TAS2R1: variants seen among roughly 807,000 people sequenced by gnomAD.
TAS2R1 encodes taste receptor type 2 member 1.
For missense variants in TAS2R1, 370 were observed against 353.4 expected, an observed-to-expected ratio of 1.05 and a Z score of -0.38; for synonymous variants, 141 against 134.2, an observed-to-expected ratio of 1.05 and a Z score of -0.35.
At chr5:9,808,570 C>T in the TAS2R1 span, among the ~76,000 whole-genome samples, 1 of 152,164 alleles carries the variant, frequency 6.6e-6, no homozygotes, top group Non-Finnish European at 1.5e-5. Context: ...GAGGAGACTA[C>T]TGTGAGTGTC....
At chr5:9,849,375 T>C in the TAS2R1 span, among the ~76,000 whole-genome samples, 7 of 152,236 alleles carry the variant, frequency 4.6e-5, no homozygotes, top group East Asian at 1.9e-4. Context: ...CATGTTTCCA[T>C]GCATTGGAAA....
chr5:9,801,857 C>T, the TAS2R1 span, among the ~76,000 whole-genome samples: 2 of 152,152 alleles, frequency 1.3e-5, no homozygotes, highest in Non-Finnish European at 2.9e-5. Context: ...CTCCCCCATC[C>T]CCCACAGCAG....
chr5:9,708,071 G>A (rs1579794412), intron 1 of TAS2R1, among the ~76,000 whole-genome samples: 1 of 152,244 alleles, frequency 6.6e-6, no homozygotes, highest in East Asian at 1.9e-4. Flanking sequence ...GCAAGCTCCT[G>A]GCCGCATAGA....
At chr5:9,671,126 T>C (rs901165248) in intron 1 of TAS2R1, among the ~76,000 whole-genome samples, 8 of 152,182 alleles carry the variant, frequency 5.3e-5, no homozygotes, top group Non-Finnish European at 7.4e-5. Flanking sequence ...AAAGTAGGCA[T>C]TGAAGGAACA....
At chr5:9,823,499 G>A in the TAS2R1 span, among the ~76,000 whole-genome samples, 1 of 145,028 alleles carries the variant, frequency 6.9e-6, no homozygotes. Context: ...GGAAGGGGAA[G>A]AGGAAGGGGA....
chr5:9,696,549 G>A (rs372552682), intron 1 of TAS2R1, among the ~76,000 whole-genome samples: 10 of 151,746 alleles, frequency 6.6e-5, no homozygotes, highest in South Asian at 6.3e-4. Context: ...GTGACAGAGC[G>A]AGATGCCATC....
At chr5:9,864,350 G>A in the TAS2R1 span, among the ~76,000 whole-genome samples, 15 of 152,262 alleles carry the variant, frequency 9.9e-5, no homozygotes, top group South Asian at 2.1e-4. Context: ...TAGCCTGGCC[G>A]GGTGCAGTGG....
At chr5:9,764,062 C>T in the TAS2R1 span, among the ~76,000 whole-genome samples, 1 of 152,150 alleles carries the variant, frequency 6.6e-6, no homozygotes. Context: ...TTTCAATGGG[C>T]TTGCTATTCA....
chr5:9,767,878 C>T, the TAS2R1 span, among the ~76,000 whole-genome samples: 6 of 136,912 alleles, frequency 4.4e-5, no homozygotes, highest in Admixed American at 1.7e-4. Context: ...GAGCTGAGAT[C>T]GTGCCACAGT....
intron 1 of TAS2R1, among the ~76,000 whole-genome samples, chr5:9,705,232 C>T (rs900769941): frequency 6.6e-6 from 1 of 152,038 alleles, no homozygotes; most frequent in African/African-American, 2.4e-5. Flanking sequence ...TAGACCAACA[C>T]CAGAAAACTA....
the TAS2R1 span, among the ~76,000 whole-genome samples, chr5:9,814,518 TA>T: frequency 6.6e-6 from 1 of 152,328 alleles, no homozygotes; most frequent in Admixed American, 6.5e-5. Flanking sequence ...AAATAGGGAA[TA>T]CATTCTACAT....
At chr5:9,839,126 G>A in the TAS2R1 span, among the ~76,000 whole-genome samples, 2 of 152,236 alleles carry the variant, frequency 1.3e-5, no homozygotes, top group East Asian at 3.9e-4. Context: ...CTAGGGTAAA[G>A]AGGGCTCTGT....
Position 9,628,980 on chromosome 5 carries a change from C to T in TAS2R1, c.*153G>A. The T allele has an allele frequency of 1.4e-6, 1 of 708,780 alleles. No individual in the cohort carries two copies. Among genetic ancestry groups the T allele is most frequent in the Non-Finnish European group, 2.1e-6 (1 of 469,278 alleles). 43.9% of individuals were successfully genotyped at this position (708,780 alleles called of 1,614,324 possible). ...TCAGTTTAACTGCTTGAAAAAGTAGCATATCCACAGAAATACCTCAGGCTG... is the reference window on the plus strand; with the variant it reads ...TCAGTTTAACTGCTTGAAAAAGTAGTATATCCACAGAAATACCTCAGGCTG... On this transcript the variant is annotated 3_prime_UTR_variant, in exon 1 of 1. Transcript: ENST00000382492.
intron 1 of TAS2R1, among the ~76,000 whole-genome samples, chr5:9,710,073 C>G (rs191032124): frequency 1.3e-5 from 2 of 152,230 alleles, no homozygotes; most frequent in African/African-American, 4.8e-5. Flanking sequence ...AAATAGACAT[C>G]ATAACATCTT....
intron 2 of TAS2R1, among the ~76,000 whole-genome samples, chr5:9,658,069 A>G (rs1740451604): frequency 6.6e-6 from 1 of 152,170 alleles, no homozygotes; most frequent in Admixed American, 6.5e-5. Context: ...TCAGAAGCTG[A>G]GCTCTAGGCA....
chr5:9,882,305 T>A, the TAS2R1 span, among the ~76,000 whole-genome samples: 1,272 of 152,236 alleles, frequency 8.4e-3, 13 homozygotes, highest in African/African-American at 0.025. Flanking sequence ...AATGAGATAG[T>A]ATCTCGTGCC....
At chr5:9,876,447 A>T in the TAS2R1 span, among the ~76,000 whole-genome samples, 3 of 152,038 alleles carry the variant, frequency 2.0e-5, no homozygotes, top group Non-Finnish European at 4.4e-5. Context: ...GAAGGCCACA[A>T]TTGTTCTCTT....
At chr5:9,780,673 ATGTG>A in the TAS2R1 span, among the ~76,000 whole-genome samples, 21 of 151,616 alleles carry the variant, frequency 1.4e-4, no homozygotes, top group East Asian at 1.6e-3. Context: ...AACTAACAGA[ATGTG>A]TGTGTGTGTG....
At chr5:9,632,009 GA>G (rs1272983485), upstream of TAS2R1, among the ~76,000 whole-genome samples, 9 of 152,278 alleles carry the variant, frequency 5.9e-5, no homozygotes, top group African/African-American at 2.2e-4. Context: ...CCAGTAGAAA[GA>G]AGAAGAAACT....
Sources: gnomAD v4.1 joint callset for allele counts (sites outside exome capture counted in the v4.1 genomes callset) on GRCh38, gnomAD v4.1.1 for gene constraint, MANE v1.5 for transcripts, NCBI Gene and HGNC (gene_info 2026-07-23, HGNC 2026-07-21) for gene names.